Variants in SMCHD1 observed in about 807,000 individuals in gnomAD.
SMCHD1 encodes structural maintenance of chromosomes flexible hinge domain containing 1.
SMCHD1 carries 78 observed loss-of-function variants against 254.7 expected under a neutral mutation model. That is an observed-to-expected ratio of 0.31 (90% CI 0.26 to 0.37). The LOEUF is 0.37. Ranked by LOEUF, SMCHD1 falls within the 10% of genes least tolerant of loss-of-function variation. The pLI is 1.00. For synonymous variants in SMCHD1, 766 were observed against 794.9 expected, an observed-to-expected ratio of 0.96 and a Z score of 0.61; for missense variants, 1,840 against 2,408.1, an observed-to-expected ratio of 0.76 and a Z score of 4.94.
intron 12 of SMCHD1, 191 bp downstream of exon 12, chr18:2,701,109 T>C (rs1252270043): frequency 4.6e-6 from 2 of 430,164 alleles, no homozygotes; most frequent in East Asian, 3.5e-5. Context: ...TGACTAAACC[T>C]ACCTAGTAAA....
Position 2,694,596 on chromosome 18 carries a change from G to A in SMCHD1, c.943G>A (p.Glu315Lys). Residue 315 changes from glutamate (E) to lysine (K), a missense_variant, in exon 8 of 48, where the codon GAA (glutamate) becomes AAA (lysine). By Grantham distance (56) the Glu-to-Lys change is moderately conservative. This residue lies in a region of SMCHD1 where 498 missense variants were observed against 743.5 expected (regional missense o/e 0.67). Transcript: ENST00000320876. Reference protein sequence around the residue: ...FLHHLIIEEKEKDSFTAVVIT... With the variant: ...FLHHLIIEEKKKDSFTAVVIT... ...ACATCATCTTATCATAGAGGAGAAGGAAAAAGATAGCTTTACTGCTGTGGT... is the reference window on the plus strand; with the variant it reads ...ACATCATCTTATCATAGAGGAGAAGAAAAAAGATAGCTTTACTGCTGTGGT... 1 of 1,610,984 alleles carries A rather than the reference G, an allele frequency of 6.2e-7. No homozygotes were observed. Among genetic ancestry groups the A allele is most frequent in the South Asian group, 1.1e-5 (1 of 90,822 alleles).
intron 1 of SMCHD1, among the ~76,000 whole-genome samples, chr18:2,657,006 G>C (rs1230782646): frequency 1.3e-5 from 2 of 152,140 alleles, no homozygotes; most frequent in Admixed American, 6.5e-5. Context: ...TTTAAACTGT[G>C]ATGTACTTTA....
In SMCHD1 at chr18:2,760,744, GCTTA is replaced by G. The variant is rs2075769951; in HGVS notation, c.4434+9_4434+12del. ...AATATTCTCAACAGTGAACAGGTTTGCTTACTTTTTTTATATACCACAGTTAGCT... is the reference window on the plus strand; with the variant it reads ...AATATTCTCAACAGTGAACAGGTTTGCTTTTTTTATATACCACAGTTAGCT... On this transcript the variant is annotated splice_donor_region_variant and intron_variant, in intron 35 of 47. Coordinates refer to ENST00000320876, the MANE Select transcript of SMCHD1 (RefSeq NM_015295.3). 1 of 1,580,178 alleles carries G rather than the reference GCTTA, an allele frequency of 6.3e-7. No individual in the cohort carries two copies. The highest frequency in any genetic ancestry group is 2.3e-5 in the East Asian group (1 of 44,272).
At chr18:2,690,347 C>T (rs1208004499) in intron 7 of SMCHD1, among the ~76,000 whole-genome samples, 10 of 152,090 alleles carry the variant, frequency 6.6e-5, no homozygotes, top group Admixed American at 5.9e-4. Flanking sequence ...GAGCATTTGG[C>T]TTATTTAAAG....
At chr18:2,724,763 CTGT>C (rs2074992596) in intron 20 of SMCHD1, 133 bp from the exon 21 acceptor site, 3 of 426,998 alleles carry the variant, frequency 7.0e-6, no homozygotes, top group Non-Finnish European at 1.2e-5. Context: ...GAATTTTTTT[CTGT>C]TTAGTTTTTT....
At chr18:2,664,005 G>A (rs574559611) in intron 1 of SMCHD1, among the ~76,000 whole-genome samples, 1 of 152,052 alleles carries the variant, frequency 6.6e-6, no homozygotes, top group East Asian at 1.9e-4. Context: ...TTGAGCCACC[G>A]CGCCCGGCCT....
rs763885639 is a variant in SMCHD1, at chr18:2,759,569, C to CT, written c.4347-1082dup. Among the ~76,000 whole-genome samples, 44 of 36,992 alleles carry CT rather than the reference C, an allele frequency of 1.2e-3. 1 individual carries two copies. The highest frequency in any genetic ancestry group is 3.2e-3 in the South Asian group (4 of 1,258). 24.3% of individuals were successfully genotyped at this position (36,992 alleles called of 152,430 possible). A position where few individuals can be genotyped will look rare whatever the true frequency, so the allele number is the denominator to read the frequency against. ...GGAAGCAGAAGTCCGTTTTAATTCT[C>CT]TCTTTTTTTTTTTTTTTTGAGATAG... On this transcript the variant is annotated intron_variant, in intron 34 of 47. Coordinates refer to ENST00000320876, the MANE Select transcript of SMCHD1 (RefSeq NM_015295.3).
chr18:2,760,221 T>G (rs1423068008), intron 34 of SMCHD1, among the ~76,000 whole-genome samples: 1 of 152,196 alleles, frequency 6.6e-6, no homozygotes, highest in Non-Finnish European at 1.5e-5. Context: ...CTTGTATGTG[T>G]AGTTAAATAT....
At chr18:2,753,644 C>T (rs751286722) in intron 34 of SMCHD1, among the ~76,000 whole-genome samples, 5 of 152,164 alleles carry the variant, frequency 3.3e-5, no homozygotes, top group Non-Finnish European at 5.9e-5. Flanking sequence ...CTGGCTCAAG[C>T]GAGCCCCCTG....
chr18:2,780,674 T>A (rs1006501489), intron 44 of SMCHD1, among the ~76,000 whole-genome samples: 1 of 152,188 alleles, frequency 6.6e-6, no homozygotes, highest in Non-Finnish European at 1.5e-5. Flanking sequence ...TGAGGAGGCA[T>A]GTGGAAGTCC....
At chr18:2,666,430 T>C (rs543641204) in intron 2 of SMCHD1, among the ~76,000 whole-genome samples, 198 bp downstream of exon 2, 2 of 152,358 alleles carry the variant, frequency 1.3e-5, no homozygotes, top group South Asian at 4.1e-4. Flanking sequence ...AGAAAAATAG[T>C]TGATATCAGT....
chr18:2,695,703 G>A (rs2143131546), intron 8 of SMCHD1, among the ~76,000 whole-genome samples: 1 of 151,806 alleles, frequency 6.6e-6, no homozygotes, highest in Middle Eastern at 3.4e-3. Context: ...TTGCAAAATG[G>A]GTACATCTGC....
chr18:2,789,593 A>G (rs769211072), intron 45 of SMCHD1, among the ~76,000 whole-genome samples: 1 of 152,184 alleles, frequency 6.6e-6, no homozygotes, highest in Non-Finnish European at 1.5e-5. Flanking sequence ...TCAACTTCAC[A>G]GTAGTGTGAA....
At chr18:2,693,157 A>G (rs2074215646) in intron 7 of SMCHD1, among the ~76,000 whole-genome samples, 1 of 152,244 alleles carries the variant, frequency 6.6e-6, no homozygotes, top group Non-Finnish European at 1.5e-5. Context: ...GCAAGTAATC[A>G]TACATACTTA....
chr18:2,695,450 C>T (rs762079027), intron 8 of SMCHD1, among the ~76,000 whole-genome samples: 15 of 151,920 alleles, frequency 9.9e-5, no homozygotes, highest in Non-Finnish European at 1.9e-4. Flanking sequence ...GCTGGGATTA[C>T]AGGCGCGTGC....
At chr18:2,735,351 G>A (rs559032639) in intron 25 of SMCHD1, among the ~76,000 whole-genome samples, 23 of 152,156 alleles carry the variant, frequency 1.5e-4, no homozygotes, top group African/African-American at 4.3e-4. Flanking sequence ...GGCAAAAACC[G>A]GAACCATTCT....
rs71365193 is a variant in SMCHD1 at position 2,684,700 on chromosome 18, AGTGTGTGT to A, written c.639-3668_639-3661del. Among the ~76,000 whole-genome samples the A allele has an allele frequency of 1.6e-3, 188 of 115,612 alleles. 1 individual carries two copies. Among genetic ancestry groups the A allele is most frequent in the Middle Eastern group, 8.7e-3 (2 of 230 alleles). 75.8% of individuals were successfully genotyped at this position (115,612 alleles called of 152,430 possible). On this transcript the variant is annotated intron_variant, in intron 5 of 47. Coordinates refer to ENST00000320876, the MANE Select transcript of SMCHD1 (RefSeq NM_015295.3). ...TTTTTTCCTGCCTTATTGCAGATTC[AGTGTGTGT>A]GTGTGTGTGTGTGTGTGTGTGTGTG... is the stretch of plus-strand genomic sequence containing the variant.
intron 32 of SMCHD1, 135 bp from the exon 33 acceptor site, chr18:2,751,143 C>G: frequency 1.8e-6 from 1 of 554,896 alleles, no homozygotes; most frequent in Non-Finnish European, 3.1e-6. Context: ...ATTTCTTCAT[C>G]AGAATTGTAT....
intron 5 of SMCHD1, among the ~76,000 whole-genome samples, chr18:2,678,119 A>ACG (rs1379924488): frequency 1.3e-5 from 2 of 152,162 alleles, no homozygotes; most frequent in African/African-American, 4.8e-5. Flanking sequence ...TAGCCCTGTT[A>ACG]CTAGAGTTTT....
Sources: gnomAD v4.1 joint callset for allele counts (sites outside exome capture counted in the v4.1 genomes callset) on GRCh38, gnomAD v4.1.1 for gene constraint, gnomAD v4.1.1 regional missense constraint, MANE v1.5 for transcripts, NCBI Gene and HGNC (gene_info 2026-07-23, HGNC 2026-07-21) for gene names.